The following CEP44 variants were observed in gnomAD, a reference collection of about 807,000 sequenced individuals.
The protein encoded by CEP44 is centrosomal protein of 44 kDa.
Under a neutral mutation model 46.7 loss-of-function variants are expected in CEP44, and 45 were observed. That is an observed-to-expected ratio of 0.96 (90% CI 0.76 to 1.24). CEP44 has a LOEUF of 1.24. Among genes scored for constraint, CEP44 ranks in the 50% most tolerant of loss-of-function variants. CEP44 has a pLI of 0.00. For synonymous variants in CEP44, 142 were observed against 146.0 expected (o/e 0.97, Z 0.20); for missense variants, 475 against 459.7 (o/e 1.03, Z -0.30).
chr4:174,323,552 G>A (rs114652100), downstream of CEP44, among the ~76,000 whole-genome samples: 656 of 152,174 alleles, frequency 4.3e-3, 4 homozygotes, highest in African/African-American at 0.015. Flanking sequence ...TGAGGAGGTG[G>A]GATAACACCC....
At chr4:174,322,082 A>G (rs1471593569), downstream of CEP44, among the ~76,000 whole-genome samples, 2 of 152,170 alleles carry the variant, frequency 1.3e-5, no homozygotes, top group Admixed American at 1.3e-4. Context: ...ACAACACCAC[A>G]GCTGAGGACT....
chr4:174,292,283 A>T (rs1738322033), intron 1 of CEP44, among the ~76,000 whole-genome samples: 1 of 152,120 alleles, frequency 6.6e-6, no homozygotes, highest in African/African-American at 2.4e-5. Context: ...ACTGCTGTCA[A>T]AATTTTTTCT....
exon 9 of CEP44, chr4:174,332,340 A>C (rs1297761902): frequency 6.6e-6 from 1 of 152,228 alleles, no homozygotes; most frequent in African/African-American, 2.4e-5. Flanking sequence ...AATGGAAAGA[A>C]GGGAAAATAA....
In CEP44 at chr4:174,326,389, TATAAC is replaced by T. The variant is rs1427270179; in HGVS notation, c.1087-5088_1087-5084del. Among the ~76,000 whole-genome samples, 3 of 152,048 alleles carry T rather than the reference TATAAC, an allele frequency of 2.0e-5. No individual in the cohort carries two copies. Among genetic ancestry groups the T allele is most frequent in the African/African-American group, 4.8e-5 (2 of 41,442 alleles). On this transcript the variant is annotated intron_variant, in intron 8 of 8. Transcript: ENST00000426172. The surrounding 1 kb of genome is among the most constrained non-coding windows in gnomAD (Gnocchi z 4.8). Reference sequence around the variant, plus strand: ...CAAATATTATACTACTCATTTTAAGTATAACATAAGAGCCTTACGATAATATACTT... The same window carrying T: ...CAAATATTATACTACTCATTTTAAGTATAAGAGCCTTACGATAATATACTT...
chr4:174,289,177 G>A (rs1490426694), intron 1 of CEP44, among the ~76,000 whole-genome samples: 2 of 151,974 alleles, frequency 1.3e-5, no homozygotes, highest in African/African-American at 4.8e-5. Flanking sequence ...TTTCATTGAG[G>A]ATTTTTACGT....
chr4:174,306,886 C>T (rs1740470701), intron 6 of CEP44, among the ~76,000 whole-genome samples: 1 of 152,028 alleles, frequency 6.6e-6, no homozygotes, highest in African/African-American at 2.4e-5. Flanking sequence ...AATAAAATAC[C>T]TAGGAATCTA....
At position 174,290,066 on chromosome 4, in the gene CEP44, G is replaced by A. The variant is rs535729509; in HGVS notation, c.-148+6123G>A. Among the ~76,000 whole-genome samples, 38 of 152,230 alleles carry A rather than the reference G, an allele frequency of 2.5e-4. 1 individual carries two copies. In the East Asian group the frequency reaches 3.3e-3, roughly 13 times the overall value. Reference sequence around the variant, plus strand: ...AGATGGGGTTTCACCATGTTAGCCAGGATGGTCTCAATCTCTTGACCTAGT... The same window carrying A: ...AGATGGGGTTTCACCATGTTAGCCAAGATGGTCTCAATCTCTTGACCTAGT... On this transcript the variant is annotated intron_variant, in intron 1 of 11. Coordinates refer to ENST00000503780, the MANE Select transcript of CEP44 (RefSeq NM_001040157.3). This position sits in a 1 kb window ranked among gnomAD's most constrained non-coding sequence, Gnocchi z 4.3.
At position 174,288,727 on chromosome 4, in the gene CEP44, TG is replaced by T. The variant is rs1015033917; in HGVS notation, c.-148+4785del. Among the ~76,000 whole-genome samples the T allele has an allele frequency of 6.6e-6, 1 of 152,166 alleles. No individual in the cohort carries two copies. The highest frequency in any genetic ancestry group is 1.5e-5 in the Non-Finnish European group (1 of 68,008). ...TGTACCTCTTCTCTTTTTATTTGGA[TG>T]TTTTTAATTTATTTTTCTTACCTAG... On this transcript the variant is annotated intron_variant, in intron 1 of 11. Coordinates refer to ENST00000503780, the MANE Select transcript of CEP44 (RefSeq NM_001040157.3). This position sits in a 1 kb window ranked among gnomAD's most constrained non-coding sequence, Gnocchi z 4.6.
At chr4:174,293,147 C>G (rs1738433060) in intron 1 of CEP44, among the ~76,000 whole-genome samples, 1 of 152,158 alleles carries the variant, frequency 6.6e-6, no homozygotes, top group Admixed American at 6.5e-5. Flanking sequence ...GGGCCTGTTA[C>G]TGGGGCTTGG....
chr4:174,321,121 C>T (rs779631142), downstream of CEP44, among the ~76,000 whole-genome samples: 3 of 152,130 alleles, frequency 2.0e-5, no homozygotes, highest in Non-Finnish European at 2.9e-5. Flanking sequence ...ATCTCAAGCC[C>T]TGCTCTTGAC....
Position 174,319,101 on chromosome 4 carries a change from C to A in CEP44, c.*1718C>A. On this transcript the variant is annotated 3_prime_UTR_variant, in exon 12 of 12. Coordinates refer to ENST00000503780, the MANE Select transcript of CEP44 (RefSeq NM_001040157.3). ...TAGATTCCATGGGTGAGTCACCATG[C>A]TTGGCCACATTTTTAGTATTCTAAT... 1.0e-6 allele frequency: 1 copy of A among 982,964 alleles called. No homozygotes were observed. Among genetic ancestry groups the A allele is most frequent in the Non-Finnish European group, 1.2e-6 (1 of 827,754 alleles). 60.9% of individuals were successfully genotyped at this position (982,964 alleles called of 1,614,324 possible).
intron 2 of CEP44, among the ~76,000 whole-genome samples, chr4:174,298,793 T>G (rs972223150): frequency 6.6e-6 from 1 of 152,098 alleles, no homozygotes; most frequent in Non-Finnish European, 1.5e-5. Context: ...AAAAAACTAT[T>G]TGGGCAAGTG....
At chr4:174,284,037 C>CG in intron 1 of CEP44, 94 bp downstream of exon 1, 2 of 399,388 alleles carry the variant, frequency 5.0e-6, no homozygotes, top group Non-Finnish European at 8.8e-6. Flanking sequence ...CGACTGGTTG[C>CG]GGGAGGCTGG....
At position 174,312,992 on chromosome 4, in the gene CEP44, T is replaced by C. The variant is rs145516635; in HGVS notation, c.961+2134T>C. 2.8e-4 allele frequency among the ~76,000 whole-genome samples: 42 copies of C among 152,202 alleles called. No individual in the cohort carries two copies. In the East Asian group the frequency reaches 7.5e-3, roughly 27 times the overall value. ...CAGAGGCTTTTAGGGATTGGACTTG[T>C]GTTGGATAATTTTGGAGAGGGTTTG... On this transcript the variant is annotated intron_variant, in intron 9 of 11. Coordinates refer to ENST00000503780, the MANE Select transcript of CEP44 (RefSeq NM_001040157.3). This position sits in a 1 kb window ranked among gnomAD's most constrained non-coding sequence, Gnocchi z 4.5.
chr4:174,294,526 G>A lies in CEP44; in HGVS notation c.-147-3440G>A, dbSNP rs551619180. ...CTTTCTATTCCACAAAACCGCCATT[G>A]TCATCATGGCCCGTTCTCAATGAGC... On this transcript the variant is annotated intron_variant, in intron 1 of 11. Coordinates refer to ENST00000503780, the MANE Select transcript of CEP44 (RefSeq NM_001040157.3). Among the ~76,000 whole-genome samples the A allele has an allele frequency of 2.7e-4, 41 of 151,386 alleles. 1 individual carries two copies. In the East Asian group the frequency reaches 7.1e-3, roughly 26 times the overall value.
rs1019410565 is a variant in CEP44 at position 174,303,948 on chromosome 4, A to G, written c.384+99A>G. On this transcript the variant is annotated intron_variant, in intron 5 of 11. Transcript: ENST00000503780. ...AAAACCCTAGACAGCAAATTATTTC[A>G]TAGTGTAATTACTGTATTATTCAAA... is the stretch of plus-strand genomic sequence containing the variant. 7.3e-6 allele frequency: 6 copies of G among 816,352 alleles called. No homozygotes were observed. The Admixed American group carries it at 9.5e-5, about 13-fold the overall frequency. 50.6% of individuals were successfully genotyped at this position (816,352 alleles called of 1,614,324 possible). A position where few individuals can be genotyped will look rare whatever the true frequency, so the allele number is the denominator to read the frequency against.
intron 4 of CEP44, among the ~76,000 whole-genome samples, chr4:174,302,984 G>A (rs898648684): frequency 6.6e-6 from 1 of 151,986 alleles, no homozygotes; most frequent in Non-Finnish European, 1.5e-5. Flanking sequence ...GTTTCACCAT[G>A]TTGGCCAGGA....
rs113317169 is a variant in CEP44, at chr4:174,331,068, T to C, written c.1087-414T>C. ...ATATCTACTGATGTCTTTACACCCA[T>C]AAAAGGTATACTTTTCTATAGGAAT... On this transcript the variant is annotated intron_variant, in intron 8 of 8. Transcript: ENST00000426172. This position sits in a 1 kb window ranked among gnomAD's most constrained non-coding sequence, Gnocchi z 4.5. Among the ~76,000 whole-genome samples, 1 of 152,178 alleles carries C rather than the reference T, an allele frequency of 6.6e-6. No individual in the cohort carries two copies. The highest frequency in any genetic ancestry group is 1.5e-5 in the Non-Finnish European group (1 of 68,026).
chr4:174,294,458 T>C (rs1177327627), intron 1 of CEP44, among the ~76,000 whole-genome samples: 2 of 151,756 alleles, frequency 1.3e-5, no homozygotes, highest in East Asian at 2.0e-4. Flanking sequence ...TACACAGACA[T>C]GGCAACCATC....
Sources: allele counts gnomAD v4.1 joint callset (sites outside exome capture counted in the v4.1 genomes callset), GRCh38; gene constraint gnomAD v4.1.1; non-coding constraint Gnocchi (gnomAD v3.1); transcripts MANE v1.5; gene names NCBI Gene and HGNC (gene_info 2026-07-23, HGNC 2026-07-21).